The following EIF2AK1 variants were observed in gnomAD, a reference collection of about 807,000 sequenced individuals.
EIF2AK1 encodes eukaryotic translation initiation factor 2 alpha kinase 1.
A neutral mutation model predicts 77.9 loss-of-function variants in EIF2AK1; 54 were observed. That is an observed-to-expected ratio of 0.69 (90% CI 0.56 to 0.87). EIF2AK1 has a LOEUF of 0.87. Ranked by LOEUF, EIF2AK1 falls within the 40% of genes least tolerant of loss-of-function variation. The probability of loss-of-function intolerance (pLI) is 0.00; values close to 1 mark genes in which losing one functional copy is unlikely to be tolerated. For synonymous variants in EIF2AK1, 314 were observed against 290.5 expected, an observed-to-expected ratio of 1.08 and a Z score of -0.82; for missense variants, 810 against 768.6, an observed-to-expected ratio of 1.05 and a Z score of -0.64.
rs780746513 is a variant in EIF2AK1 at position 6,035,454 on chromosome 7, G to T, written c.1332+1970C>A. 8.5e-5 allele frequency: 131 copies of T among 1,550,194 alleles called. 7 individuals carry two copies. In the South Asian group the frequency reaches 1.5e-3, roughly 18 times the overall value. ...CAATACCCATTCTAGGGACACGACA[G>T]GCCTCACCACACTCAACTTAATGCT... On this transcript the variant is annotated intron_variant, in intron 11 of 14. Coordinates refer to ENST00000199389, the MANE Select transcript of EIF2AK1 (RefSeq NM_014413.4). This position sits in a 1 kb window ranked among gnomAD's most constrained non-coding sequence, Gnocchi z 5.5.
intron 1 of EIF2AK1, among the ~76,000 whole-genome samples, chr7:6,056,981 T>C (rs908844727): frequency 2.0e-5 from 3 of 152,082 alleles, no homozygotes; most frequent in African/African-American, 2.4e-5. Context: ...TCTGCTTTTG[T>C]TTCTCTTTCT....
chr7:6,058,336 G>A (rs541221243), intron 1 of EIF2AK1: 3 of 350,528 alleles, frequency 8.6e-6, no homozygotes, highest in South Asian at 6.5e-5. Context: ...AGGATCACTT[G>A]AGCCCAGGAG....
In EIF2AK1 at chr7:6,023,192, T is replaced by C. The variant is rs1787559159; in HGVS notation, c.*1481A>G. On this transcript the variant is annotated 3_prime_UTR_variant, in exon 15 of 15. Coordinates refer to ENST00000199389, the MANE Select transcript of EIF2AK1 (RefSeq NM_014413.4). ...TGTGATGTTCTTCTTGAAAACACCC[T>C]TTCCCATGTCATCAGTCTGTGGTGT... The C allele has an allele frequency of 3.1e-6, 4 of 1,290,584 alleles. No individual in the cohort carries two copies. Among genetic ancestry groups the C allele is most frequent in the Non-Finnish European group, 4.2e-6 (4 of 950,832 alleles). 79.9% of individuals were successfully genotyped at this position (1,290,584 alleles called of 1,614,324 possible).
Position 6,027,909 on chromosome 7 carries a change from T to G in EIF2AK1, c.1530+706A>C, listed in dbSNP as rs1483367270. On this transcript the variant is annotated intron_variant, in intron 13 of 14. Coordinates refer to ENST00000199389, the MANE Select transcript of EIF2AK1 (RefSeq NM_014413.4). The surrounding 1 kb of genome is among the most constrained non-coding windows in gnomAD (Gnocchi z 4.5). ...AGACCCATCTCTACAAATAATTTTTTTTATTAGCTGGGTGTGGTAGCACAA... is the reference window on the plus strand; with the variant it reads ...AGACCCATCTCTACAAATAATTTTTGTTATTAGCTGGGTGTGGTAGCACAA... 2.2e-6 allele frequency: 1 copy of G among 450,494 alleles called. No individual in the cohort carries two copies. The highest frequency in any genetic ancestry group is 2.0e-5 in the African/African-American group (1 of 49,778). The allele number at this position is 450,494 out of a possible 1,614,324, so 27.9% of individuals were successfully genotyped here.
chr7:6,057,777 G>A (rs772836242), intron 1 of EIF2AK1, among the ~76,000 whole-genome samples: 6 of 151,906 alleles, frequency 3.9e-5, no homozygotes, highest in Non-Finnish European at 5.9e-5. Context: ...GATTACAGGC[G>A]ACCGCCACCA....
intron 10 of EIF2AK1, 73 bp from the exon 11 acceptor site, chr7:6,037,597 C>A: frequency 3.5e-6 from 3 of 868,892 alleles, no homozygotes; most frequent in South Asian, 2.9e-5. Flanking sequence ...ATATTAATGT[C>A]ATTCTAAATA....
At chr7:6,034,856 A>T (rs1012906992) in intron 11 of EIF2AK1, among the ~76,000 whole-genome samples, 1 of 152,206 alleles carries the variant, frequency 6.6e-6, no homozygotes, top group African/African-American at 2.4e-5. Context: ...GAATGACCAC[A>T]GGTCTTCAGA....
At chr7:6,041,298 G>A in intron 8 of EIF2AK1, 79 bp from the exon 9 acceptor site, 1 of 1,424,858 alleles carries the variant, frequency 7.0e-7, no homozygotes, top group East Asian at 2.3e-5. Flanking sequence ...CAGCACTTTG[G>A]GAGGCTGAGG....
intron 11 of EIF2AK1, among the ~76,000 whole-genome samples, chr7:6,034,025 TAAG>T (rs1787993318): frequency 6.7e-6 from 1 of 149,534 alleles, no homozygotes; most frequent in Non-Finnish European, 1.5e-5. Context: ...ATGAAAGAAT[TAAG>T]TAGTATAGGC....
chr7:6,054,819 C>A (rs1788704656), intron 1 of EIF2AK1, 115 bp from the exon 2 acceptor site: 3 of 1,099,616 alleles, frequency 2.7e-6, no homozygotes, highest in South Asian at 1.6e-5. Flanking sequence ...CAGATAAAAA[C>A]CAAAAGAATA....
At chr7:6,040,156 G>A (rs762577575) in intron 9 of EIF2AK1, among the ~76,000 whole-genome samples, 15 of 151,852 alleles carry the variant, frequency 9.9e-5, no homozygotes, top group Middle Eastern at 3.2e-3. Context: ...GGGTTCAAGC[G>A]ATTCTCCTGC....
In EIF2AK1 at chr7:6,027,194, A is replaced by T. The variant is rs531127446; in HGVS notation, c.1531-233T>A. ...GATGGTCAGGTGGAGGGCAGGGATA[A>T]TCCCCACCCACAGCAGTCACGACCA... On this transcript the variant is annotated intron_variant, in intron 13 of 14. Coordinates refer to ENST00000199389, the MANE Select transcript of EIF2AK1 (RefSeq NM_014413.4). The surrounding 1 kb of genome is among the most constrained non-coding windows in gnomAD (Gnocchi z 4.5). Among the ~76,000 whole-genome samples, 1 of 152,244 alleles carries T rather than the reference A, an allele frequency of 6.6e-6. No homozygotes were observed. Among genetic ancestry groups the T allele is most frequent in the East Asian group, 1.9e-4 (1 of 5,180 alleles).
At position 6,048,797 on chromosome 7, in the gene EIF2AK1, TCA is replaced by T; in HGVS notation, c.449+8_449+9del. 1 of 1,584,320 alleles carries T rather than the reference TCA, an allele frequency of 6.3e-7. No homozygotes were observed. Among genetic ancestry groups the T allele is most frequent in the Non-Finnish European group, 8.5e-7 (1 of 1,169,768 alleles). On this transcript the variant is annotated splice_region_variant and intron_variant, in intron 4 of 14. Transcript: ENST00000199389. ...TAGTCTGCATAATCAAGAAAGTTTT[TCA>T]CACATACCTGATTTTCTGGATACGA...
In EIF2AK1 at chr7:6,049,968, G is replaced by A; in HGVS notation, c.355C>T (p.His119Tyr). Residue 119 changes from histidine to tyrosine, a missense_variant, in exon 3 of 15, where the codon CAT becomes TAT. This residue lies in a region of EIF2AK1 where 246 missense variants were observed against 199.0 expected (regional missense o/e 1.24). Transcript: ENST00000199389. ...CSDEFSSLRL[H>Y]HNRAITHLMR... ...AAGTGAGTAATAGCTCTGTTGTGAT[G>A]TAGTCTCAATGAGCTAAACTCGTCA... 1.2e-6 allele frequency: 2 copies of A among 1,613,152 alleles called. No individual in the cohort carries two copies. Among genetic ancestry groups the A allele is most frequent in the African/African-American group, 1.3e-5 (1 of 74,980 alleles).
chr7:6,042,515 C>T (rs1788327886), intron 8 of EIF2AK1, among the ~76,000 whole-genome samples: 1 of 151,198 alleles, frequency 6.6e-6, no homozygotes. Context: ...CATTTTGTAA[C>T]GGAAATAAGC....
At chr7:6,046,186 T>A (rs372033029) in intron 5 of EIF2AK1, 35 bp from the exon 6 acceptor site, 1 of 1,237,426 alleles carries the variant, frequency 8.1e-7, no homozygotes, top group African/African-American at 1.6e-5. Context: ...GTATATTGTG[T>A]CATTAAACTT....
intron 4 of EIF2AK1, among the ~76,000 whole-genome samples, chr7:6,048,473 T>C (rs1343097340): frequency 1.3e-5 from 2 of 152,236 alleles, no homozygotes; most frequent in Non-Finnish European, 2.9e-5. Flanking sequence ...TATCTATTCA[T>C]GGGCTGATGA....
intron 6 of EIF2AK1, among the ~76,000 whole-genome samples, chr7:6,045,034 C>G (rs1788406519): frequency 6.6e-6 from 1 of 151,978 alleles, no homozygotes; most frequent in Non-Finnish European, 1.5e-5. Flanking sequence ...GACATAATCC[C>G]ATCATAAGAT....
intron 4 of EIF2AK1, chr7:6,048,151 A>C (rs1424752663): frequency 6.6e-6 from 1 of 152,224 alleles, no homozygotes; most frequent in South Asian, 2.1e-4. Flanking sequence ...TTTTTAGTAC[A>C]TAAAGTTGTG....
Sources: gnomAD v4.1 joint callset for allele counts (sites outside exome capture counted in the v4.1 genomes callset) on GRCh38, gnomAD v4.1.1 for gene constraint, gnomAD v4.1.1 regional missense constraint, Gnocchi (gnomAD v3.1) non-coding constraint, MANE v1.5 for transcripts, NCBI Gene and HGNC (gene_info 2026-07-23, HGNC 2026-07-21) for gene names.